Variants in ZNF729 observed in about 807,000 individuals in gnomAD.
ZNF729 encodes zinc finger protein 729.
Under a neutral mutation model 12.2 loss-of-function variants are expected in ZNF729, and 15 were observed. The ratio of observed to expected loss-of-function variants is 1.23; its 90% CI spans 0.82 to 1.89. ZNF729 has a LOEUF of 1.89. ZNF729 is among the 40% of genes most tolerant of loss of function. The pLI is 0.00. For missense variants in ZNF729, 1,540 were observed against 1,456.7 expected, an observed-to-expected ratio of 1.06 and a Z score of -0.93; for synonymous variants, 492 against 476.3, an observed-to-expected ratio of 1.03 and a Z score of -0.43.
chr19:22,307,306 A>G (rs1307015487), intron 3 of ZNF729, among the ~76,000 whole-genome samples: 1 of 140,566 alleles, frequency 7.1e-6, no homozygotes, highest in East Asian at 2.1e-4. Context: ...GTGCGTGTCC[A>G]CAATGTAGCA....
At position 22,316,436 on chromosome 19, in the gene ZNF729, C is replaced by A. The variant is rs779067966; in HGVS notation, c.3019C>A (p.Leu1007Ile). Residue 1007 changes from leucine to isoleucine, a missense_variant, in exon 4 of 4, where the codon CTT becomes ATT. Coordinates refer to ENST00000601693, the MANE Select transcript of ZNF729 (RefSeq NM_001242680.2). ...CGKDFNNSSTLKKHKLIHTRE... is the reference protein window; with the variant it reads ...CGKDFNNSSTIKKHKLIHTRE... ...CAAAGATTTTAACAATTCCTCAACC[C>A]TTAAGAAACATAAGCTAATTCATAC... 12 of 1,613,634 alleles carry A rather than the reference C, an allele frequency of 7.4e-6. No individual in the cohort carries two copies. In the South Asian group the frequency reaches 1.1e-4, roughly 15 times the overall value.
rs186716947 is a variant in ZNF729, at chr19:22,304,188, G to A, written c.157+304G>A. Among the ~76,000 whole-genome samples, 145 of 151,986 alleles carry A rather than the reference G, an allele frequency of 9.5e-4. 1 individual carries two copies. Among genetic ancestry groups the A allele is most frequent in the Non-Finnish European group, 1.7e-3 (113 of 67,968 alleles). On this transcript the variant is annotated intron_variant, in intron 2 of 3. Coordinates refer to ENST00000601693, the MANE Select transcript of ZNF729 (RefSeq NM_001242680.2). ...CAAGTAGCTGGGACTATAGGCATGC[G>A]ACACCACACCCGGCTAATTTTTTTG...
In ZNF729 at chr19:22,316,725, C is replaced by A. The variant is rs1968550050; in HGVS notation, c.3308C>A (p.Pro1103His). 2 of 1,612,140 alleles carry A rather than the reference C, an allele frequency of 1.2e-6. No individual in the cohort carries two copies. The highest frequency in any genetic ancestry group is 1.7e-6 in the Non-Finnish European group (2 of 1,179,586). The change falls in exon 4 of 4, where the codon CCC becomes CAC. Residue 1103 changes from proline (P) to histidine (H), a missense_variant. Physicochemically the swap from Pro to His is moderately conservative, Grantham distance 77. Transcript: ENST00000601693. ...KHKVIHTGKK[P>H]YQCDECGKAF... is the part of the protein sequence containing the mutation. ...AAGGTAATTCATACTGGAAAGAAAC[C>A]CTACCAATGTGACGAATGTGGCAAA... is the stretch of plus-strand genomic sequence containing the variant.
At chr19:22,293,526 CTT>C (rs201771921) in intron 1 of ZNF729, among the ~76,000 whole-genome samples, 2,684 of 106,022 alleles carry the variant, frequency 0.025, 98 homozygotes, top group African/African-American at 0.1. Flanking sequence ...CAGTTTCGCT[CTT>C]GTTTCCCAGG....
intron 1 of ZNF729, among the ~76,000 whole-genome samples, chr19:22,298,005 C>CAAAA (rs34435303): frequency 3.2e-4 from 22 of 68,114 alleles, no homozygotes; most frequent in East Asian, 1.0e-3. Context: ...AACTCCATCT[C>CAAAA]AAAAAAAAAA....
intron 1 of ZNF729, among the ~76,000 whole-genome samples, chr19:22,302,727 T>G (rs76435803): frequency 6.7e-6 from 1 of 150,024 alleles, no homozygotes; most frequent in African/African-American, 2.4e-5. Context: ...TTAGATCCAC[T>G]GTTTTTGGAG....
In ZNF729 at chr19:22,314,264, A is replaced by T; in HGVS notation, c.847A>T (p.Lys283Ter). Residue 283 changes from lysine (K) to a stop codon, truncating the protein, a stop_gained, in exon 4 of 4, where the codon AAG becomes TAG. Coordinates refer to ENST00000601693, the MANE Select transcript of ZNF729 (RefSeq NM_001242680.2). LOFTEE classifies it low-confidence loss of function (END_TRUNC). Reference sequence around the variant, plus strand: ...CCAGTCCTCAAATCTTACTGACCATAAGAGAATTCATACTGGAGAGAAAAC... The same window carrying T: ...CCAGTCCTCAAATCTTACTGACCATTAGAGAATTCATACTGGAGAGAAAAC... ...FNQSSNLTDH[K>*]RIHTGEKTYK... The T allele has an allele frequency of 6.2e-7, 1 of 1,609,826 alleles. No individual in the cohort carries two copies. The highest frequency in any genetic ancestry group is 8.5e-7 in the Non-Finnish European group (1 of 1,178,622).
Position 22,315,997 on chromosome 19 carries a change from T to G in ZNF729, c.2580T>G (p.Ala860=). 6.2e-7 allele frequency: 1 copy of G among 1,611,208 alleles called. No homozygotes were observed. The highest frequency in any genetic ancestry group is 1.7e-4 in the Middle Eastern group (1 of 6,054). Residue 860 remains alanine, a synonymous_variant, in exon 4 of 4, where the codon GCT becomes GCG. Coordinates refer to ENST00000601693, the MANE Select transcript of ZNF729 (RefSeq NM_001242680.2). The part of the protein sequence containing the change: ...KPYKCEECGK[A]FSQSSSLRKH... ...ACAAATGTGAAGAATGTGGCAAAGC[T>G]TTTAGCCAATCCTCATCCCTTAGAA...
chr19:22,292,607 T>A (rs1044306331), intron 1 of ZNF729, among the ~76,000 whole-genome samples: 1 of 151,904 alleles, frequency 6.6e-6, no homozygotes, highest in African/African-American at 2.4e-5. Context: ...CCAGCTAATT[T>A]TTCTTGTATT....
At position 22,314,769 on chromosome 19, in the gene ZNF729, A is replaced by G. The variant is rs746276353; in HGVS notation, c.1352A>G (p.Lys451Arg). ...AGTTCCTCAACCCTTATGAAACATA[A>G]GATAATTCATACTGGGGAGAAACCA... ...FNSSSTLMKH[K>R]IIHTGEKPYK... The change falls in exon 4 of 4, where the codon AAG (lysine) becomes AGG (arginine). Residue 451 changes from lysine to arginine, a missense_variant. Lys to Arg is a conservative substitution (Grantham distance 26, BLOSUM62 2). Transcript: ENST00000601693. 1.5e-5 allele frequency: 25 copies of G among 1,613,664 alleles called. No individual in the cohort carries two copies. The highest frequency in any genetic ancestry group is 2.1e-5 in the Non-Finnish European group (25 of 1,179,926).
chr19:22,301,849 C>T (rs943136675), intron 1 of ZNF729, among the ~76,000 whole-genome samples: 1 of 152,308 alleles, frequency 6.6e-6, no homozygotes, highest in Non-Finnish European at 1.5e-5. Flanking sequence ...ATTGTTATTT[C>T]TCTTACCCAA....
chr19:22,288,052 G>C (rs1438050756), intron 1 of ZNF729, among the ~76,000 whole-genome samples: 6 of 151,902 alleles, frequency 3.9e-5, no homozygotes, highest in Admixed American at 3.9e-4. Context: ...CACTATGTTG[G>C]CCAGGCTGGT....
intron 3 of ZNF729, among the ~76,000 whole-genome samples, chr19:22,312,152 T>C (rs1179451674): frequency 6.6e-6 from 1 of 152,156 alleles, no homozygotes; most frequent in African/African-American, 2.4e-5. Context: ...GTGTTCCTGT[T>C]TCTCTCATTC....
chr19:22,303,376 A>T (rs1250120238), intron 1 of ZNF729, among the ~76,000 whole-genome samples: 2 of 152,228 alleles, frequency 1.3e-5, no homozygotes, highest in African/African-American at 4.8e-5. Flanking sequence ...AGTTAATTGT[A>T]CACATTAAAA....
intron 1 of ZNF729, among the ~76,000 whole-genome samples, chr19:22,298,310 A>T (rs1175484217): frequency 6.9e-6 from 1 of 144,806 alleles, no homozygotes; most frequent in African/African-American, 2.9e-5. Flanking sequence ...ATATACATAT[A>T]AAAAATATAG....
In ZNF729 at chr19:22,316,278, A is replaced by C; in HGVS notation, c.2861A>C (p.His954Pro). ...AFNDSSTLMK[H>P]KIIHTGKKPY... ...AATGATTCCTCAACCCTTATGAAGC[A>C]TAAGATAATTCATACTGGGAAGAAA... The change falls in exon 4 of 4, where the codon CAT becomes CCT. Residue 954 changes from histidine (H) to proline (P), a missense_variant. By Grantham distance (77) the His-to-Pro change is moderately conservative. Coordinates refer to ENST00000601693, the MANE Select transcript of ZNF729 (RefSeq NM_001242680.2). 6.2e-7 allele frequency: 1 copy of C among 1,613,800 alleles called. No homozygotes were observed. The highest frequency in any genetic ancestry group is 8.5e-7 in the Non-Finnish European group (1 of 1,179,782).
intron 1 of ZNF729, among the ~76,000 whole-genome samples, chr19:22,289,005 TG>T (rs1248762518): frequency 6.6e-6 from 1 of 151,528 alleles, no homozygotes; most frequent in Non-Finnish European, 1.5e-5. Flanking sequence ...CAGAATGGAG[TG>T]GGAGAATCTC....
rs1407478047 is a variant in ZNF729, at chr19:22,316,027, T to C, written c.2610T>C (p.His870=). ...GCCAATCCTCATCCCTTAGAAAACA[T>C]GAGATAATTCATAGTGGAGAGAAAC... ...AFSQSSSLRK[H]EIIHSGEKPY... Residue 870 remains histidine, a synonymous_variant, in exon 4 of 4, where the codon CAT becomes CAC. Coordinates refer to ENST00000601693, the MANE Select transcript of ZNF729 (RefSeq NM_001242680.2). The C allele has an allele frequency of 1.9e-6, 3 of 1,609,858 alleles. No homozygotes were observed. The highest frequency in any genetic ancestry group is 2.7e-5 in the African/African-American group (2 of 74,698).
At chr19:22,297,582 T>C (rs111878522) in intron 1 of ZNF729, among the ~76,000 whole-genome samples, 3,800 of 152,078 alleles carry the variant, frequency 0.025, 155 homozygotes, top group African/African-American at 0.087. Flanking sequence ...AACCTCTTAT[T>C]ATTCTTTGTG....
Sources: gnomAD v4.1 joint callset for allele counts (sites outside exome capture counted in the v4.1 genomes callset) on GRCh38, gnomAD v4.1.1 for gene constraint, MANE v1.5 for transcripts, NCBI Gene and HGNC (gene_info 2026-07-23, HGNC 2026-07-21) for gene names.